WWOX: variants seen among roughly 807,000 people sequenced by gnomAD.
The protein encoded by WWOX is WW domain-containing oxidoreductase.
A neutral mutation model predicts 46.2 loss-of-function variants in WWOX; 69 were observed. The ratio of observed to expected loss-of-function variants is 1.49; its 90% CI spans 1.23 to 1.82. WWOX has a LOEUF of 1.82. Among genes scored for constraint, WWOX ranks in the 40% most tolerant of loss-of-function variants. WWOX has a pLI of 0.00. For missense variants in WWOX, 919 were observed against 542.6 expected (o/e 1.69, Z -6.89); for synonymous variants, 359 against 202.6 (o/e 1.77, Z -6.56).
At chr16:78,929,388 A>G (rs1209162132) in intron 8 of WWOX, among the ~76,000 whole-genome samples, 1 of 152,132 alleles carries the variant, frequency 6.6e-6, no homozygotes, top group East Asian at 1.9e-4. Flanking sequence ...TATTTTTATA[A>G]CAGTGATTTA....
chr16:78,984,069 A>G (rs142054618), intron 8 of WWOX, among the ~76,000 whole-genome samples: 2,320 of 151,840 alleles, frequency 0.015, 22 homozygotes, highest in Middle Eastern at 0.038. Flanking sequence ...TAGTAGAGAC[A>G]GGGTTTCACT....
At chr16:78,430,463 A>T (rs2083189389) in intron 7 of WWOX, among the ~76,000 whole-genome samples, 1 of 152,166 alleles carries the variant, frequency 6.6e-6, no homozygotes, top group African/African-American at 2.4e-5. Context: ...TCAGATAATT[A>T]TCCACAGGCT....
Position 78,363,814 on chromosome 16 carries a change from G to C in WWOX, c.517-23046G>C, listed in dbSNP as rs188006055. On this transcript the variant is annotated intron_variant, in intron 5 of 8. Transcript: ENST00000566780. ...ACAGCGGAGACAGTGAGGTCCTGTA[G>C]GATGAGGTTGGAGAGCAGGAACTTG... Among the ~76,000 whole-genome samples, 16 of 152,288 alleles carry C rather than the reference G, an allele frequency of 1.1e-4. No individual in the cohort carries two copies. In the East Asian group the frequency reaches 3.1e-3, roughly 29 times the overall value.
chr16:78,114,790 T>G (rs1391745516), intron 3 of WWOX, among the ~76,000 whole-genome samples, 186 bp from the exon 4 acceptor site: 4 of 152,206 alleles, frequency 2.6e-5, no homozygotes, highest in Non-Finnish European at 4.4e-5. Flanking sequence ...TGACTATCTT[T>G]TTTTGGCACA....
At chr16:78,708,214 G>C (rs944263825) in intron 8 of WWOX, among the ~76,000 whole-genome samples, 1 of 152,058 alleles carries the variant, frequency 6.6e-6, no homozygotes, top group Non-Finnish European at 1.5e-5. Flanking sequence ...AACAAAAACA[G>C]GACACCTGGT....
Position 78,175,136 on chromosome 16 carries a change from A to G in WWOX, c.516+10847A>G, listed in dbSNP as rs564547879. Among the ~76,000 whole-genome samples, 73 of 152,196 alleles carry G rather than the reference A, an allele frequency of 4.8e-4. 1 individual carries two copies. Among genetic ancestry groups the G allele is most frequent in the African/African-American group, 1.7e-3 (69 of 41,530 alleles). On this transcript the variant is annotated intron_variant, in intron 5 of 8. Coordinates refer to ENST00000566780, the MANE Select transcript of WWOX (RefSeq NM_016373.4). ...AGGTGCCTATCATGTCTTCAGTGTC[A>G]GTGCCCTGGTATGGAGCTAGCTGGC... is the stretch of plus-strand genomic sequence containing the variant.
At chr16:79,128,492 A>G (rs1237288232) in intron 8 of WWOX, among the ~76,000 whole-genome samples, 2 of 152,160 alleles carry the variant, frequency 1.3e-5, no homozygotes, top group African/African-American at 4.8e-5. Flanking sequence ...AGGCTCAGAG[A>G]GGTTAAATAA....
chr16:78,558,742 A>G (rs1241943956), intron 8 of WWOX, among the ~76,000 whole-genome samples: 1 of 152,162 alleles, frequency 6.6e-6, no homozygotes, highest in East Asian at 1.9e-4. Flanking sequence ...GCTTTGATCA[A>G]GCTTGGAAAG....
At chr16:78,627,740 A>T (rs769204192) in intron 8 of WWOX, among the ~76,000 whole-genome samples, 3 of 152,224 alleles carry the variant, frequency 2.0e-5, no homozygotes, top group Non-Finnish European at 2.9e-5. Context: ...CACCTATGTT[A>T]ACTCTATTTC....
At chr16:78,718,960 C>T (rs951008893) in intron 8 of WWOX, among the ~76,000 whole-genome samples, 6 of 150,900 alleles carry the variant, frequency 4.0e-5, no homozygotes, top group Non-Finnish European at 8.8e-5. Context: ...CTGCACTAAC[C>T]ACTCATTCAC....
rs1030353144 is a variant in WWOX, at chr16:78,573,390, C to G, written c.1056+140638C>G. On this transcript the variant is annotated intron_variant, in intron 8 of 8. Coordinates refer to ENST00000566780, the MANE Select transcript of WWOX (RefSeq NM_016373.4). ...TGGCTGTTTTGTTTTTTCTTCTTAG[C>G]CATTTTGACCTGTGAGATTTTATGT... 6.2e-4 allele frequency among the ~76,000 whole-genome samples: 94 copies of G among 152,302 alleles called. 1 individual carries two copies. Among genetic ancestry groups the G allele is most frequent in the Non-Finnish European group, 2.8e-4 (19 of 68,022 alleles).
intron 8 of WWOX, among the ~76,000 whole-genome samples, chr16:78,516,705 C>T (rs577930919): frequency 6.6e-6 from 1 of 152,194 alleles, no homozygotes; most frequent in East Asian, 1.9e-4. Flanking sequence ...AAAAGTCCAG[C>T]TGAAATGATC....
chr16:78,928,746 T>A (rs12448710), intron 8 of WWOX, among the ~76,000 whole-genome samples: 65,184 of 151,988 alleles, frequency 0.43, 14,529 homozygotes, highest in Middle Eastern at 0.54. Context: ...CCTGCATTGC[T>A]GTGTTTCTGT....
At chr16:78,684,920 A>G (rs562475713) in intron 8 of WWOX, among the ~76,000 whole-genome samples, 2 of 152,214 alleles carry the variant, frequency 1.3e-5, no homozygotes, top group Non-Finnish European at 2.9e-5. Flanking sequence ...ATCAGAAACT[A>G]GTGAACACAT....
chr16:78,940,510 T>G (rs966360381), intron 8 of WWOX, among the ~76,000 whole-genome samples: 2 of 152,128 alleles, frequency 1.3e-5, no homozygotes, highest in African/African-American at 4.8e-5. Flanking sequence ...GAAGTCACAT[T>G]TTTACATCAT....
intron 8 of WWOX, among the ~76,000 whole-genome samples, chr16:78,539,704 A>G (rs1471136214): frequency 1.3e-5 from 2 of 152,208 alleles, no homozygotes; most frequent in African/African-American, 2.4e-5. Context: ...TTGCCAGAGC[A>G]TGTTTTCCCT....
intron 5 of WWOX, among the ~76,000 whole-genome samples, chr16:78,178,659 A>G (rs1197255134): frequency 6.6e-6 from 1 of 152,160 alleles, no homozygotes; most frequent in Non-Finnish European, 1.5e-5. Context: ...TGAGGTTAGG[A>G]GTTCGAGACC....
Position 78,996,376 on chromosome 16 carries a change from A to G in WWOX, c.1057-215232A>G, listed in dbSNP as rs367577631. The G allele has an allele frequency of 7.4e-5, 35 of 472,376 alleles. 1 individual carries two copies. Among genetic ancestry groups the G allele is most frequent in the East Asian group, 5.2e-4 (1 of 1,912 alleles). 29.3% of individuals were successfully genotyped at this position (472,376 alleles called of 1,614,324 possible). On this transcript the variant is annotated intron_variant, in intron 8 of 8. Transcript: ENST00000566780. ...AAGAGTGTGAGTGAATTCTGCACCCACCCCCGCCCCCCAGCTTCCCCACCT... is the reference window on the plus strand; with the variant it reads ...AAGAGTGTGAGTGAATTCTGCACCCGCCCCCGCCCCCCAGCTTCCCCACCT...
At chr16:79,031,854 A>T (rs1555514901) in intron 8 of WWOX, among the ~76,000 whole-genome samples, 5 of 134,098 alleles carry the variant, frequency 3.7e-5, no homozygotes, top group Non-Finnish European at 6.4e-5. Flanking sequence ...ATTATATATT[A>T]TATATATAGA....
Sources: allele counts gnomAD v4.1 joint callset (sites outside exome capture counted in the v4.1 genomes callset), GRCh38; gene constraint gnomAD v4.1.1; transcripts MANE v1.5; gene names NCBI Gene and HGNC (gene_info 2026-07-23, HGNC 2026-07-21).